Variants in RNF150 observed in about 807,000 individuals in gnomAD.
RNF150 encodes the protein ring finger protein 150.
In RNF150, 24 loss-of-function variants were observed where a neutral mutation model predicts 39.3. The observed-to-expected ratio is 0.61, with a 90% CI of 0.44 to 0.86. The LOEUF (loss-of-function observed/expected upper bound fraction) is 0.86, where lower values mean the gene tolerates loss of function less well. RNF150 is among the 40% of genes least tolerant of loss of function. The pLI is 0.00. For synonymous variants in RNF150, 255 were observed against 227.3 expected (o/e 1.12, Z -1.10); for missense variants, 502 against 587.8 (o/e 0.85, Z 1.51).
At chr4:141,089,994 G>C (rs2111004975) in intron 1 of RNF150, among the ~76,000 whole-genome samples, 1 of 152,246 alleles carries the variant, frequency 6.6e-6, no homozygotes, top group African/African-American at 2.4e-5. Flanking sequence ...TTCTTCAATA[G>C]AGCACATCTT....
At chr4:141,029,365 C>A (rs1244258914) in intron 1 of RNF150, among the ~76,000 whole-genome samples, 1 of 152,188 alleles carries the variant, frequency 6.6e-6, no homozygotes, top group African/African-American at 2.4e-5. Flanking sequence ...TTCTCCTTCA[C>A]AAACTCAGGA....
Position 140,926,185 on chromosome 4 carries a change from A to T in RNF150, c.891-112T>A, listed in dbSNP as rs559961620. The T allele has an allele frequency of 4.1e-6, 3 of 729,512 alleles. No homozygotes were observed. In the South Asian group the frequency reaches 4.8e-5, roughly 12 times the overall value. The allele number at this position is 729,512 out of a possible 1,614,324, so 45.2% of individuals were successfully genotyped here. A position where few individuals can be genotyped will look rare whatever the true frequency, so the allele number is the denominator to read the frequency against. ...AAAATTACTCAGTGGCAGAGCCAAG[A>T]CTCAAACCTCCATCCCTAACTTGTG... On this transcript the variant is annotated intron_variant, in intron 4 of 6. Transcript: ENST00000515673.
intron 1 of RNF150, among the ~76,000 whole-genome samples, chr4:141,212,432 G>A (rs1728482314): frequency 6.6e-6 from 1 of 152,134 alleles, no homozygotes; most frequent in African/African-American, 2.4e-5. Context: ...GCAGAATACA[G>A]CAGTGAAGAC....
intron 1 of RNF150, among the ~76,000 whole-genome samples, chr4:140,988,766 A>G (rs1384224393): frequency 6.6e-6 from 1 of 152,120 alleles, no homozygotes; most frequent in Admixed American, 6.5e-5. Context: ...ATGTCCAACA[A>G]TGATGGACTG....
At chr4:141,186,315 C>T (rs544525846) in intron 1 of RNF150, among the ~76,000 whole-genome samples, 1 of 152,278 alleles carries the variant, frequency 6.6e-6, no homozygotes, top group South Asian at 2.1e-4. Flanking sequence ...AGATTATTTG[C>T]ATAGAGGTGT....
chr4:141,017,493 A>C (rs764086776), intron 1 of RNF150, among the ~76,000 whole-genome samples: 8 of 152,188 alleles, frequency 5.3e-5, no homozygotes, highest in Non-Finnish European at 8.8e-5. Flanking sequence ...CAATGAGCCT[A>C]CACTGGCACA....
At chr4:141,061,822 A>T (rs1737240511) in intron 1 of RNF150, among the ~76,000 whole-genome samples, 1 of 152,178 alleles carries the variant, frequency 6.6e-6, no homozygotes. Context: ...TTTAACTTAT[A>T]GCATATTCTA....
chr4:141,072,639 A>G (rs1737749858), intron 1 of RNF150, among the ~76,000 whole-genome samples: 1 of 152,224 alleles, frequency 6.6e-6, no homozygotes, highest in African/African-American at 2.4e-5. Flanking sequence ...TTACATCTTT[A>G]AAAACTTTTT....
chr4:140,912,990 T>C (rs1474486326), intron 5 of RNF150, among the ~76,000 whole-genome samples: 2 of 146,240 alleles, frequency 1.4e-5, no homozygotes, highest in African/African-American at 2.5e-5. Flanking sequence ...AAAAACACCA[T>C]GGGCTGGGCG....
chr4:141,173,254 C>A (rs1176209895), intron 1 of RNF150, among the ~76,000 whole-genome samples: 1 of 152,124 alleles, frequency 6.6e-6, no homozygotes, highest in Non-Finnish European at 1.5e-5. Context: ...TCAATTATCA[C>A]CTGTTACATT....
intron 4 of RNF150, among the ~76,000 whole-genome samples, chr4:140,942,487 T>G (rs1732128698): frequency 6.6e-6 from 1 of 152,234 alleles, no homozygotes; most frequent in African/African-American, 2.4e-5. Context: ...CCTCCCCCTG[T>G]TCCCAAATAA....
intron 6 of RNF150, 193 bp downstream of exon 6, chr4:140,910,951 G>C: frequency 3.3e-6 from 2 of 605,080 alleles, no homozygotes; most frequent in East Asian, 2.7e-5. Context: ...TGGGCACACA[G>C]AGCCAGGTGG....
At chr4:141,032,834 T>A (rs1365383390) in intron 1 of RNF150, among the ~76,000 whole-genome samples, 1 of 152,238 alleles carries the variant, frequency 6.6e-6, no homozygotes, top group Admixed American at 6.5e-5. Flanking sequence ...CTATTAAGTG[T>A]ACAATAACAT....
chr4:140,963,416 A>G (rs1401897838), intron 2 of RNF150, among the ~76,000 whole-genome samples: 1 of 152,096 alleles, frequency 6.6e-6, no homozygotes, highest in Non-Finnish European at 1.5e-5. Context: ...ATGCACTGCC[A>G]TATGGTGGCC....
intron 2 of RNF150, among the ~76,000 whole-genome samples, chr4:140,956,413 G>A (rs1732755901): frequency 6.6e-6 from 1 of 152,136 alleles, no homozygotes; most frequent in Non-Finnish European, 1.5e-5. Context: ...CTGGTATTCA[G>A]GATCAGGAGT....
chr4:141,058,320 G>C (rs1160491587), intron 1 of RNF150, among the ~76,000 whole-genome samples: 1 of 151,942 alleles, frequency 6.6e-6, no homozygotes, highest in African/African-American at 2.4e-5. Context: ...AAGAAGAGGG[G>C]TAGAAGAAAA....
intron 1 of RNF150, among the ~76,000 whole-genome samples, chr4:140,987,581 G>A (rs1417545445): frequency 6.6e-6 from 1 of 152,002 alleles, no homozygotes; most frequent in Non-Finnish European, 1.5e-5. Context: ...GACTGAAATT[G>A]GACCCTTCCC....
chr4:140,925,025 T>A lies in RNF150; in HGVS notation c.987+952A>T, dbSNP rs75197505. Among the ~76,000 whole-genome samples, 37 of 152,322 alleles carry A rather than the reference T, an allele frequency of 2.4e-4. 1 individual carries two copies. The East Asian group carries it at 7.1e-3, about 29-fold the overall frequency. The stretch of plus-strand genomic sequence containing the variant: ...ATCTGATCCTTCTTCAGTGACATCT[T>A]GGGACTATTAACATTCTCTTTATTC... On this transcript the variant is annotated intron_variant, in intron 5 of 6. Coordinates refer to ENST00000515673, the MANE Select transcript of RNF150 (RefSeq NM_020724.2).
At chr4:141,045,480 AATTTAGGAATACATTCTTTTTTTAT>A (rs1231422402) in intron 1 of RNF150, among the ~76,000 whole-genome samples, 1 of 152,080 alleles carries the variant, frequency 6.6e-6, no homozygotes, top group Middle Eastern at 3.2e-3. Flanking sequence ...GACTCTTTTA[AATTTAGGAATACATTCTTTTTTTAT>A]ATTTAGGAAC....
Sources: allele counts gnomAD v4.1 joint callset (sites outside exome capture counted in the v4.1 genomes callset), GRCh38; gene constraint gnomAD v4.1.1; transcripts MANE v1.5; gene names NCBI Gene and HGNC (gene_info 2026-07-23, HGNC 2026-07-21).